Variants in FAM135A observed in about 807,000 individuals in gnomAD.
FAM135A encodes the protein protein FAM135A.
Under a neutral mutation model 146.8 loss-of-function variants are expected in FAM135A, and 79 were observed. The observed-to-expected ratio is 0.54, with a 90% CI of 0.45 to 0.65. The LOEUF is 0.65. FAM135A is among the 30% of genes least tolerant of loss of function. FAM135A has a pLI of 0.00. For synonymous variants in FAM135A, 562 were observed against 603.6 expected (o/e 0.93, Z 1.01); for missense variants, 1,623 against 1,758.2 (o/e 0.92, Z 1.38).
At chr6:70,458,491 C>G (rs1322201065) in intron 5 of FAM135A, among the ~76,000 whole-genome samples, 1 of 152,108 alleles carries the variant, frequency 6.6e-6, no homozygotes, top group Non-Finnish European at 1.5e-5. Flanking sequence ...GTGAGACATG[C>G]TGTTTTTCTC....
At chr6:70,519,877 A>G (rs1333853442) in intron 12 of FAM135A, among the ~76,000 whole-genome samples, 1 of 151,438 alleles carries the variant, frequency 6.6e-6, no homozygotes, top group Non-Finnish European at 1.5e-5. Flanking sequence ...AGGCATGCCT[A>G]TACTAAACAT....
chr6:70,537,989 A>C (rs1311124004), intron 19 of FAM135A, among the ~76,000 whole-genome samples: 2 of 152,216 alleles, frequency 1.3e-5, no homozygotes, highest in African/African-American at 4.8e-5. Flanking sequence ...GAACAAATAT[A>C]TTGAAAGGTA....
At chr6:70,519,136 G>A (rs1792971492) in intron 12 of FAM135A, among the ~76,000 whole-genome samples, 1 of 152,168 alleles carries the variant, frequency 6.6e-6, no homozygotes, top group East Asian at 1.9e-4. Context: ...GTTTGGAAGA[G>A]GTTGATTCTA....
chr6:70,456,931 G>T (rs1778488815), intron 5 of FAM135A, among the ~76,000 whole-genome samples: 1 of 152,156 alleles, frequency 6.6e-6, no homozygotes, highest in South Asian at 2.1e-4. Context: ...TTCAGGCGTG[G>T]TAGTGGCATT....
chr6:70,519,779 C>G (rs979523005), intron 12 of FAM135A, among the ~76,000 whole-genome samples: 11 of 152,158 alleles, frequency 7.2e-5, no homozygotes, highest in Admixed American at 5.9e-4. Flanking sequence ...TTTATACACA[C>G]TGGGAAACTG....
At chr6:70,425,468 C>T (rs563394161) in intron 2 of FAM135A, among the ~76,000 whole-genome samples, 16 of 152,238 alleles carry the variant, frequency 1.1e-4, no homozygotes, top group African/African-American at 3.4e-4. Context: ...TTTGATGTGA[C>T]TATTAAAGTT....
At chr6:70,543,736 G>T (rs1282098942) in intron 20 of FAM135A, among the ~76,000 whole-genome samples, 1 of 152,078 alleles carries the variant, frequency 6.6e-6, no homozygotes, top group Non-Finnish European at 1.5e-5. Flanking sequence ...TGTTCCTGAG[G>T]TCTATGTCTT....
chr6:70,507,996 A>C (rs1249451998), intron 12 of FAM135A, among the ~76,000 whole-genome samples: 1 of 152,194 alleles, frequency 6.6e-6, no homozygotes, highest in East Asian at 1.9e-4. Context: ...GCAGCAGAAA[A>C]CTTGAGACAA....
chr6:70,521,659 T>G (rs1366966194), intron 12 of FAM135A, among the ~76,000 whole-genome samples: 1 of 152,188 alleles, frequency 6.6e-6, no homozygotes, highest in Non-Finnish European at 1.5e-5. Flanking sequence ...AGAAAATAAT[T>G]GTAGATGTAA....
chr6:70,509,926 T>G (rs1318754248), intron 12 of FAM135A, among the ~76,000 whole-genome samples: 1 of 152,136 alleles, frequency 6.6e-6, no homozygotes, highest in Non-Finnish European at 1.5e-5. Flanking sequence ...AGAATACCGT[T>G]TATTATGACG....
At chr6:70,487,683 G>C (rs1332837225) in intron 10 of FAM135A, among the ~76,000 whole-genome samples, 1 of 152,090 alleles carries the variant, frequency 6.6e-6, no homozygotes, top group Non-Finnish European at 1.5e-5. Context: ...TAAAGTTACT[G>C]TAAAATTAAA....
chr6:70,500,907 GTT>G (rs981550844), intron 11 of FAM135A, among the ~76,000 whole-genome samples: 16 of 152,318 alleles, frequency 1.1e-4, no homozygotes, highest in African/African-American at 3.4e-4. Flanking sequence ...TCTTGTATGA[GTT>G]GTCTGTCGAC....
At chr6:70,459,712 A>G (rs528840873) in intron 5 of FAM135A, among the ~76,000 whole-genome samples, 1 of 152,242 alleles carries the variant, frequency 6.6e-6, no homozygotes, top group African/African-American at 2.4e-5. Context: ...TTTTTATCAA[A>G]ATAATATACA....
intron 2 of FAM135A, among the ~76,000 whole-genome samples, chr6:70,425,706 G>T (rs1769918811): frequency 6.6e-6 from 1 of 152,156 alleles, no homozygotes; most frequent in Non-Finnish European, 1.5e-5. Flanking sequence ...ATTTTAAATA[G>T]TTCTTTATAC....
intron 11 of FAM135A, among the ~76,000 whole-genome samples, chr6:70,501,513 C>T (rs944663347): frequency 1.1e-4 from 16 of 152,140 alleles, no homozygotes; most frequent in Admixed American, 8.5e-4. Context: ...GGTTCTGTCT[C>T]GCTGGGGTTC....
intron 12 of FAM135A, among the ~76,000 whole-genome samples, chr6:70,505,514 A>T (rs1439051247): frequency 1.3e-5 from 2 of 151,858 alleles, no homozygotes; most frequent in Admixed American, 1.3e-4. Flanking sequence ...TTAAGATGAC[A>T]CAGTATTGGG....
chr6:70,432,126 G>C (rs1276848654), intron 4 of FAM135A, among the ~76,000 whole-genome samples: 2 of 151,996 alleles, frequency 1.3e-5, no homozygotes, highest in Non-Finnish European at 1.5e-5. Context: ...AAAGAATAGA[G>C]GATAGAAATG....
chr6:70,501,432 C>T lies in FAM135A; in HGVS notation c.874-1204C>T, dbSNP rs185958875. ...CAGTGATTCCTAGCTTGCTGGGCTC[C>T]GTGGGAGAGGGACCCGCTGAGAGAG... is the stretch of plus-strand genomic sequence containing the variant. On this transcript the variant is annotated intron_variant, in intron 11 of 21. Coordinates refer to ENST00000418814, the MANE Select transcript of FAM135A (RefSeq NM_001162529.3). Among the ~76,000 whole-genome samples, 598 of 152,264 alleles carry T rather than the reference C, an allele frequency of 3.9e-3. 6 individuals carry two copies. Among genetic ancestry groups the T allele is most frequent in the African/African-American group, 0.012 (481 of 41,562 alleles).
chr6:70,522,466 T>A (rs760976599), intron 12 of FAM135A, 47 bp from the exon 13 acceptor site: 2 of 1,559,040 alleles, frequency 1.3e-6, no homozygotes, highest in Non-Finnish European at 1.8e-6. Context: ...CCGGATTGAC[T>A]TTTTAAATAC....
Sources: allele counts gnomAD v4.1 joint callset (sites outside exome capture counted in the v4.1 genomes callset), GRCh38; gene constraint gnomAD v4.1.1; transcripts MANE v1.5; gene names NCBI Gene and HGNC (gene_info 2026-07-23, HGNC 2026-07-21).